C19orf38: variants seen among roughly 807,000 people sequenced by gnomAD.
C19orf38 encodes protein HIDE1.
A neutral mutation model predicts 26.6 loss-of-function variants in C19orf38; 14 were observed. The ratio of observed to expected loss-of-function variants is 0.53; its 90% CI spans 0.35 to 0.82. The LOEUF is 0.82. Among genes scored for constraint, C19orf38 ranks in the 40% least tolerant of loss-of-function variants. The probability of loss-of-function intolerance (pLI) is 0.01; values close to 1 mark genes in which losing one functional copy is unlikely to be tolerated. For synonymous variants in C19orf38, 132 were observed against 128.5 expected (o/e 1.03, Z -0.18); for missense variants, 261 against 299.5 (o/e 0.87, Z 0.95).
chr19:10,856,596 G>A (rs2073628385), intron 3 of C19orf38, among the ~76,000 whole-genome samples: 1 of 150,738 alleles, frequency 6.6e-6, no homozygotes, highest in Non-Finnish European at 1.5e-5. Context: ...CTCCGCCTTC[G>A]AGGTTCAAGC....
chr19:10,855,212 T>C (rs529459821), intron 2 of C19orf38, among the ~76,000 whole-genome samples: 14 of 151,882 alleles, frequency 9.2e-5, no homozygotes, highest in Non-Finnish European at 1.6e-4. Context: ...TTTGTATTTT[T>C]AGTAGAGACG....
At chr19:10,841,943 T>G in intron 1 of C19orf38, 15 of 1,609,248 alleles carry the variant, frequency 9.3e-6, no homozygotes, top group Non-Finnish European at 1.3e-5. Context: ...TTGTCACGAA[T>G]GGGAAGCCAA....
chr19:10,842,322 G>A (rs1003440666), intron 1 of C19orf38: 36 of 670,382 alleles, frequency 5.4e-5, no homozygotes, highest in South Asian at 3.2e-4. Context: ...GTGCAGTGGC[G>A]CGACCTTGGC....
intron 3 of C19orf38, among the ~76,000 whole-genome samples, chr19:10,857,339 C>CAT (rs1215628613): frequency 0.032 from 1,742 of 53,938 alleles, 93 homozygotes; most frequent in Non-Finnish European, 0.039. Flanking sequence ...CACACACATA[C>CAT]ATATATATAT....
At chr19:10,864,835 G>A (rs2073736588) in intron 6 of C19orf38, among the ~76,000 whole-genome samples, 2 of 152,188 alleles carry the variant, frequency 1.3e-5, no homozygotes, top group Admixed American at 6.5e-5. Context: ...GGTGAGGCTT[G>A]GAGGGTCAGG....
intron 1 of C19orf38, among the ~76,000 whole-genome samples, chr19:10,839,138 C>A (rs2073460483): frequency 1.3e-5 from 2 of 152,146 alleles, no homozygotes; most frequent in African/African-American, 4.8e-5. Context: ...AACTCCTGAC[C>A]TCATGATCCG....
intron 5 of C19orf38, among the ~76,000 whole-genome samples, chr19:10,861,798 G>A (rs142213240): frequency 6.6e-6 from 1 of 151,826 alleles, no homozygotes; most frequent in African/African-American, 2.4e-5. Context: ...GGCTGGTCTC[G>A]AACTCATGAC....
intron 1 of C19orf38, chr19:10,841,750 A>G: frequency 1.4e-6 from 1 of 717,222 alleles, no homozygotes; most frequent in Non-Finnish European, 2.4e-6. Flanking sequence ...AGTTGGGAGG[A>G]TCTCTTGAGC....
chr19:10,846,017 A>ATT (rs34717522), upstream of C19orf38, among the ~76,000 whole-genome samples: 4 of 143,588 alleles, frequency 2.8e-5, no homozygotes, highest in Admixed American at 7.0e-5. Context: ...TGTCTCTACA[A>ATT]TTTTTTTTTT....
chr19:10,866,403 T>G (rs1438005911), intron 6 of C19orf38, among the ~76,000 whole-genome samples: 2 of 147,254 alleles, frequency 1.4e-5, no homozygotes, highest in Non-Finnish European at 3.0e-5. Flanking sequence ...GCGGAGTTTC[T>G]CCATGTTTGT....
In C19orf38 at chr19:10,864,560, G is replaced by A. The variant is rs149359326; in HGVS notation, c.543+1353G>A. On this transcript the variant is annotated intron_variant, in intron 6 of 6. Transcript: ENST00000397820. ...AAGGGTTCCTAGTATAGGAGGGAGG[G>A]GACCGGATTCAGGTGCACACAGGCG... Among the ~76,000 whole-genome samples the A allele has an allele frequency of 8.5e-5, 13 of 152,226 alleles. No individual in the cohort carries two copies. The East Asian group carries it at 2.3e-3, about 27-fold the overall frequency.
chr19:10,847,959 G>C (rs1270459747), upstream of C19orf38, among the ~76,000 whole-genome samples: 1 of 152,012 alleles, frequency 6.6e-6, no homozygotes, highest in Non-Finnish European at 1.5e-5. Flanking sequence ...TTGGGAGGCT[G>C]GGGCGGGCAG....
chr19:10,849,849 G>A (rs1248510657), intron 1 of C19orf38, among the ~76,000 whole-genome samples: 3 of 151,738 alleles, frequency 2.0e-5, no homozygotes, highest in Non-Finnish European at 2.9e-5. Context: ...GGAGTCACAC[G>A]AGGCCAGGAG....
upstream of C19orf38, among the ~76,000 whole-genome samples, chr19:10,844,221 A>G (rs1484544427): frequency 6.6e-6 from 1 of 151,062 alleles, no homozygotes; most frequent in Non-Finnish European, 1.5e-5. Flanking sequence ...CCTGACCAAC[A>G]TGGTGAAACC....
Position 10,850,585 on chromosome 19 carries a change from G to C in C19orf38, c.340+18G>C. ...CTTCCCAGGTAAGGCCCTTCTATGG[G>C]ATCTCACTGCCGGGGGCTTAATTTT... On this transcript the variant is annotated intron_variant, in intron 2 of 6. Coordinates refer to ENST00000397820, the MANE Select transcript of C19orf38 (RefSeq NM_001136482.3). 6.4e-7 allele frequency: 1 copy of C among 1,550,664 alleles called. No individual in the cohort carries two copies. Among genetic ancestry groups the C allele is most frequent in the Non-Finnish European group, 8.7e-7 (1 of 1,146,718 alleles).
chr19:10,860,716 C>T (rs2073689439), intron 5 of C19orf38, among the ~76,000 whole-genome samples: 1 of 150,562 alleles, frequency 6.6e-6, no homozygotes, highest in African/African-American at 2.4e-5. Context: ...TGGCGGGTGC[C>T]TGTAGTCCCA....
chr19:10,842,116 C>T, intron 1 of C19orf38: 1 of 1,577,796 alleles, frequency 6.3e-7, no homozygotes, highest in Non-Finnish European at 8.7e-7. Context: ...GCTGCTGTAT[C>T]CTCAGTTGAC....
chr19:10,861,221 T>C (rs1329482931), intron 5 of C19orf38, among the ~76,000 whole-genome samples: 1 of 152,244 alleles, frequency 6.6e-6, no homozygotes, highest in Non-Finnish European at 1.5e-5. Context: ...TTTCCTCTGC[T>C]GAACGGCCAG....
At chr19:10,848,968 G>A (rs1375950180) in intron 1 of C19orf38, among the ~76,000 whole-genome samples, 2 of 151,988 alleles carry the variant, frequency 1.3e-5, no homozygotes, top group Admixed American at 6.6e-5. Context: ...GAAGCCTGTG[G>A]GCAATCAGGA....
Sources: gnomAD v4.1 joint callset for allele counts (sites outside exome capture counted in the v4.1 genomes callset) on GRCh38, gnomAD v4.1.1 for gene constraint, MANE v1.5 for transcripts, NCBI Gene and HGNC (gene_info 2026-07-23, HGNC 2026-07-21) for gene names.